Variants in TACR1 observed in about 807,000 individuals in gnomAD.
TACR1 encodes substance-P receptor.
TACR1 carries 25 observed loss-of-function variants against 35.8 expected under a neutral mutation model. That is an observed-to-expected ratio of 0.70 (90% CI 0.51 to 0.98). The LOEUF (loss-of-function observed/expected upper bound fraction) is 0.98. TACR1 is among the 50% of genes least tolerant of loss of function. The pLI is 0.00. For synonymous variants in TACR1, 195 were observed against 206.7 expected (o/e 0.94, Z 0.48); for missense variants, 478 against 522.9 (o/e 0.91, Z 0.84).
intron 2 of TACR1, among the ~76,000 whole-genome samples, chr2:75,087,025 C>T (rs1235838388): frequency 1.3e-5 from 2 of 152,122 alleles, no homozygotes; most frequent in Non-Finnish European, 2.9e-5. Context: ...GTCCAATTGA[C>T]CTGTGCTGTA....
intron 1 of TACR1, among the ~76,000 whole-genome samples, chr2:75,178,629 T>G (rs1008556505): frequency 1.3e-5 from 2 of 152,196 alleles, no homozygotes; most frequent in Non-Finnish European, 2.9e-5. Flanking sequence ...CCTCACATTC[T>G]TCTGTTAGCT....
chr2:75,101,364 G>A lies in TACR1; in HGVS notation c.584+19210C>T, dbSNP rs192699284. ...TACTAATAAATAAAGCATCTTAAAG[G>A]TAGATGAATGATCACTGTGTACCAG... is the stretch of plus-strand genomic sequence containing the variant. On this transcript the variant is annotated intron_variant, in intron 2 of 4. Transcript: ENST00000305249. Among the ~76,000 whole-genome samples, 137 of 152,176 alleles carry A rather than the reference G, an allele frequency of 9.0e-4. 1 individual carries two copies. Among genetic ancestry groups the A allele is most frequent in the African/African-American group, 3.3e-3 (135 of 41,522 alleles).
chr2:75,060,457 A>G (rs890306835), intron 2 of TACR1, among the ~76,000 whole-genome samples: 1 of 152,074 alleles, frequency 6.6e-6, no homozygotes, highest in African/African-American at 2.4e-5. Flanking sequence ...GTTGGGCACT[A>G]TAGGGAGGGG....
At chr2:75,156,041 G>T (rs887255214) in intron 1 of TACR1, among the ~76,000 whole-genome samples, 1 of 152,182 alleles carries the variant, frequency 6.6e-6, no homozygotes, top group Non-Finnish European at 1.5e-5. Flanking sequence ...GTGTCCATAA[G>T]TTAAGATATC....
chr2:75,049,816 C>T, intron 4 of TACR1, 93 bp from the exon 5 acceptor site: 3 of 1,338,154 alleles, frequency 2.2e-6, no homozygotes, highest in Non-Finnish European at 3.0e-6. Context: ...CATGGACATA[C>T]CCAAGCGTGA....
intron 2 of TACR1, among the ~76,000 whole-genome samples, 162 bp downstream of exon 2, chr2:75,120,412 T>C (rs1417970894): frequency 6.6e-6 from 1 of 152,078 alleles, no homozygotes; most frequent in Admixed American, 6.6e-5. Flanking sequence ...CTGACAACTG[T>C]GGACATATCA....
chr2:75,071,056 C>T (rs1397310187), intron 2 of TACR1, among the ~76,000 whole-genome samples: 1 of 152,160 alleles, frequency 6.6e-6, no homozygotes, highest in Non-Finnish European at 1.5e-5. Flanking sequence ...CCTTGGAACA[C>T]AGTCATGCCC....
At chr2:75,065,391 G>A (rs961286146) in intron 2 of TACR1, among the ~76,000 whole-genome samples, 1 of 152,212 alleles carries the variant, frequency 6.6e-6, no homozygotes, top group Non-Finnish European at 1.5e-5. Flanking sequence ...CATTTTATAT[G>A]TGACATTTGC....
chr2:75,136,230 C>T (rs1471155598), intron 1 of TACR1, among the ~76,000 whole-genome samples: 1 of 152,300 alleles, frequency 6.6e-6, no homozygotes, highest in South Asian at 2.1e-4. Context: ...CCTTCCTGCC[C>T]TGTGCTGTGG....
At chr2:75,148,303 C>G (rs1674592809) in intron 1 of TACR1, among the ~76,000 whole-genome samples, 1 of 152,162 alleles carries the variant, frequency 6.6e-6, no homozygotes, top group Non-Finnish European at 1.5e-5. Flanking sequence ...ACACTGTCTT[C>G]CACAACGGTT....
At chr2:75,127,070 A>G (rs148330312) in intron 1 of TACR1, among the ~76,000 whole-genome samples, 282 of 152,318 alleles carry the variant, frequency 1.9e-3, no homozygotes, top group African/African-American at 6.6e-3. Flanking sequence ...GTCTTTCTAT[A>G]TGGCATCACC....
At chr2:75,154,488 C>CCACACACACACACACACATACACACACA (rs1553380979) in intron 1 of TACR1, 1 of 53,542 alleles carries the variant, frequency 1.9e-5, no homozygotes, top group African/African-American at 7.4e-5. Context: ...CACTAACCCA[C>CCACACACACACACACACATACACACACA]CACACACACA....
At chr2:75,140,148 A>G (rs1461126867) in intron 1 of TACR1, among the ~76,000 whole-genome samples, 1 of 152,128 alleles carries the variant, frequency 6.6e-6, no homozygotes, top group African/African-American at 2.4e-5. Flanking sequence ...AGCCTTTGGA[A>G]GTTACTACTC....
In TACR1 at chr2:75,046,936, C is replaced by T. The variant is rs1264475909; in HGVS notation, c.*2496G>A. On this transcript the variant is annotated 3_prime_UTR_variant, in exon 5 of 5. Transcript: ENST00000305249. ...CACCAAGTAAACACACTTGGATAAA[C>T]ACAGGGTGATGCATTTCTAGAATAA... 6 of 152,162 alleles carry T rather than the reference C, an allele frequency of 3.9e-5. No homozygotes were observed. Among genetic ancestry groups the T allele is most frequent in the Non-Finnish European group, 8.8e-5 (6 of 68,036 alleles). The allele number at this position is 152,162 out of a possible 1,614,324, so 9.4% of individuals were successfully genotyped here.
chr2:75,085,466 A>T (rs1457180789), intron 2 of TACR1, among the ~76,000 whole-genome samples: 1 of 152,226 alleles, frequency 6.6e-6, no homozygotes, highest in Non-Finnish European at 1.5e-5. Context: ...GCGCAATCGC[A>T]CTGGAGGAAG....
intron 2 of TACR1, among the ~76,000 whole-genome samples, chr2:75,089,558 A>G (rs1006996394): frequency 6.6e-6 from 1 of 152,222 alleles, no homozygotes; most frequent in Admixed American, 6.5e-5. Context: ...GACTAAGGCA[A>G]TGGTTTCAAA....
At chr2:75,154,629 G>A (rs1456367714) in intron 1 of TACR1, 1 of 152,204 alleles carries the variant, frequency 6.6e-6, no homozygotes, top group African/African-American at 2.4e-5. Context: ...CTCTGAAGAG[G>A]GTTTCCCAGC....
intron 1 of TACR1, chr2:75,188,153 T>C (rs968853665): frequency 2.6e-5 from 4 of 152,218 alleles, no homozygotes; most frequent in Non-Finnish European, 4.4e-5. Flanking sequence ...TCTAAAGGCA[T>C]TTGAAATTTC....
chr2:75,179,757 A>G (rs1675518057), intron 1 of TACR1, among the ~76,000 whole-genome samples: 1 of 152,172 alleles, frequency 6.6e-6, no homozygotes, highest in South Asian at 2.1e-4. Context: ...TCAGGTTGAG[A>G]TGGCTGAGCC....
Sources: allele counts gnomAD v4.1 joint callset (sites outside exome capture counted in the v4.1 genomes callset), GRCh38; gene constraint gnomAD v4.1.1; transcripts MANE v1.5; gene names NCBI Gene and HGNC (gene_info 2026-07-23, HGNC 2026-07-21).